Variants in PABPN1 observed in about 807,000 individuals in gnomAD.
PABPN1 encodes the protein polyadenylate-binding protein 2.
A neutral mutation model predicts 33.4 loss-of-function variants in PABPN1; 5 were observed. The ratio of observed to expected loss-of-function variants is 0.15; its 90% CI spans 0.08 to 0.32. PABPN1 has a LOEUF of 0.32. Ranked by LOEUF, PABPN1 falls within the 10% of genes least tolerant of loss-of-function variation. The probability of loss-of-function intolerance (pLI) is 1.00; values close to 1 mark genes in which losing one functional copy is unlikely to be tolerated. For missense variants in PABPN1, 312 were observed against 425.8 expected (o/e 0.73, Z 2.35); for synonymous variants, 176 against 170.6 (o/e 1.03, Z -0.25).
intron 1 of PABPN1, 116 bp from the exon 2 acceptor site, chr14:23,322,065 A>C: frequency 9.0e-7 from 1 of 1,106,466 alleles, no homozygotes; most frequent in South Asian, 1.3e-5. Flanking sequence ...CGACCCTCGC[A>C]TGGGGCGAGG....
At chr14:23,323,145 C>T (rs981738873) in intron 3 of PABPN1, 79 bp downstream of exon 3, 8 of 1,590,916 alleles carry the variant, frequency 5.0e-6, no homozygotes, top group Non-Finnish European at 6.9e-6. Flanking sequence ...AAAGGAACAT[C>T]TCCGGGATAG....
intron 4 of PABPN1, 39 bp downstream of exon 4, chr14:23,323,522 A>C: frequency 6.5e-7 from 1 of 1,547,532 alleles, no homozygotes; most frequent in South Asian, 1.1e-5. Flanking sequence ...TTTAAATTAC[A>C]GTGTACAAAT....
At position 23,322,291 on chromosome 14, in the gene PABPN1, C is replaced by T; in HGVS notation, c.462C>T (p.Gly154=). 1.3e-6 allele frequency: 2 copies of T among 1,599,934 alleles called. No homozygotes were observed. Among genetic ancestry groups the T allele is most frequent in the Non-Finnish European group, 1.7e-6 (2 of 1,172,932 alleles). Residue 154 remains glycine, a synonymous_variant, in exon 2 of 7, where the codon GGC becomes GGT. Transcript: ENST00000216727. ...AGATGAATATGAGTCCACCTCCAGG[C>T]AATGGTGAGTAACTGGCGGTTGCAC... ...EKQMNMSPPP[G]NAGPVIMSIE...
In PABPN1 at chr14:23,325,301, A is replaced by G. The variant is rs747100665; in HGVS notation, c.*15A>G. On this transcript the variant is annotated 3_prime_UTR_variant, in exon 7 of 7. Transcript: ENST00000216727. ...CCCCTTACTAAAAAAAGTGTGTATTAGGAGGAGAGAGAGGAAAAAAAGAGG... is the reference window on the plus strand; with the variant it reads ...CCCCTTACTAAAAAAAGTGTGTATTGGGAGGAGAGAGAGGAAAAAAAGAGG... 5 of 1,597,726 alleles carry G rather than the reference A, an allele frequency of 3.1e-6. No homozygotes were observed. Among genetic ancestry groups the G allele is most frequent in the Admixed American group, 1.7e-5 (1 of 57,496 alleles).
At chr14:23,322,018 T>G (rs1888335485) in intron 1 of PABPN1, 163 bp from the exon 2 acceptor site, 1 of 818,558 alleles carries the variant, frequency 1.2e-6, no homozygotes, top group Non-Finnish European at 2.0e-6. Context: ...CACGGTTGCC[T>G]AGTGTTGTTC....
chr14:23,322,056 G>A (rs1472289738), intron 1 of PABPN1, 125 bp from the exon 2 acceptor site: 8 of 1,040,654 alleles, frequency 7.7e-6, no homozygotes, highest in Non-Finnish European at 1.2e-5. Context: ...CTTTTATCAC[G>A]ACCCTCGCAT....
chr14:23,324,662 A>G (rs1205187994), intron 6 of PABPN1: 2 of 406,374 alleles, frequency 4.9e-6, no homozygotes, highest in African/African-American at 4.0e-5. Context: ...GGAGTTAGGG[A>G]GGGATTGAAG....
At chr14:23,324,538 C>T (rs1174625559) in intron 6 of PABPN1, 3 of 599,410 alleles carry the variant, frequency 5.0e-6, no homozygotes, top group African/African-American at 1.9e-5. Context: ...GCTTCCACCC[C>T]CAGCCTTTTT....
In PABPN1 at chr14:23,326,032, T is replaced by G. The variant is rs1223535118; in HGVS notation, c.*746T>G. On this transcript the variant is annotated 3_prime_UTR_variant, in exon 7 of 7. Coordinates refer to ENST00000216727, the MANE Select transcript of PABPN1 (RefSeq NM_004643.4). Reference sequence around the variant, plus strand: ...TTTCCTTTGCCTTTTTTCCCTTTTATTTGGAGGGAATGGGAGGAAGTGGGA... The same window carrying G: ...TTTCCTTTGCCTTTTTTCCCTTTTAGTTGGAGGGAATGGGAGGAAGTGGGA... 6.6e-6 allele frequency: 1 copy of G among 152,306 alleles called. No homozygotes were observed. The highest frequency in any genetic ancestry group is 2.4e-5 in the African/African-American group (1 of 41,376). The allele number at this position is 152,306 out of a possible 1,614,324, so 9.4% of individuals were successfully genotyped here.
At chr14:23,322,069 G>T in intron 1 of PABPN1, 112 bp from the exon 2 acceptor site, 2 of 1,143,818 alleles carry the variant, frequency 1.7e-6, no homozygotes, top group Non-Finnish European at 2.6e-6. Flanking sequence ...CCTCGCATGG[G>T]GCGAGGGAAA....
At position 23,321,667 on chromosome 14, in the gene PABPN1, G is replaced by GGAGCCC. The variant is rs1293748880; in HGVS notation, c.207_212dup (p.Pro70_Glu71dup). 1.2e-5 allele frequency: 18 copies of GGAGCCC among 1,518,632 alleles called. No homozygotes were observed. The highest frequency in any genetic ancestry group is 2.3e-4 in the Middle Eastern group (1 of 4,322). 94.1% of individuals were successfully genotyped at this position (1,518,632 alleles called of 1,614,324 possible). A position where few individuals can be genotyped will look rare whatever the true frequency, so the allele number is the denominator to read the frequency against. Reference sequence around the variant, plus strand: ...AGGAGCTGCTGCTGGAGCCCGAGCCGGAGCCCGAGCCCGAAGAGGAGCCGC... The same window carrying GGAGCCC: ...AGGAGCTGCTGCTGGAGCCCGAGCCGGAGCCCGAGCCCGAGCCCGAAGAGGAGCCGC... On this transcript the variant is annotated inframe_insertion, in exon 1 of 7. Coordinates refer to ENST00000216727, the MANE Select transcript of PABPN1 (RefSeq NM_004643.4).
In PABPN1 at chr14:23,322,184, C is replaced by T. The variant is rs938863608; in HGVS notation, c.355C>T (p.Leu119=). The part of the protein sequence containing the change: ...PGDGAIEDPE[L]EAIKARVREM... ...ATACCCTCCCCACTTATATTAGGAG[C>T]TGGAAGCTATCAAAGCTCGAGTCAG... The change falls in exon 2 of 7, where the codon CTG becomes TTG. Residue 119 remains leucine (L), a synonymous_variant. Transcript: ENST00000216727. 2.5e-6 allele frequency: 4 copies of T among 1,605,132 alleles called. No homozygotes were observed. The highest frequency in any genetic ancestry group is 3.4e-6 in the Non-Finnish European group (4 of 1,175,854).
At chr14:23,324,436 T>G in intron 6 of PABPN1, 147 bp downstream of exon 6, 1 of 1,114,808 alleles carries the variant, frequency 9.0e-7, no homozygotes, top group Non-Finnish European at 1.3e-6. Flanking sequence ...TTGAGGAAGG[T>G]AGTTGCAGGC....
chr14:23,322,502 C>G, intron 2 of PABPN1: 2 of 604,238 alleles, frequency 3.3e-6, no homozygotes, highest in East Asian at 5.8e-5. Context: ...TTGTGCCTCC[C>G]TTTGTGCCTG....
intron 1 of PABPN1, 138 bp downstream of exon 1, chr14:23,321,958 G>T: frequency 2.6e-6 from 2 of 782,610 alleles, no homozygotes; most frequent in East Asian, 5.4e-5. Flanking sequence ...GTCGGGCCGG[G>T]GATGGGTCAG....
At chr14:23,323,630 A>G (rs1304695381) in intron 4 of PABPN1, 147 bp downstream of exon 4, 2 of 880,622 alleles carry the variant, frequency 2.3e-6, no homozygotes, top group Admixed American at 2.0e-5. Context: ...ATATATCAGG[A>G]GTTGCACCTA....
rs187219997 is a variant in PABPN1, at chr14:23,322,673, G to A, written c.467-326G>A. On this transcript the variant is annotated intron_variant, in intron 2 of 6. Coordinates refer to ENST00000216727, the MANE Select transcript of PABPN1 (RefSeq NM_004643.4). ...TGCAAGGGGTTTCCCCTTTAATCTA[G>A]AAATGTGGAGTCTCAGCCCACTTAA... 2.3e-4 allele frequency: 108 copies of A among 466,040 alleles called. No individual in the cohort carries two copies. In the East Asian group the frequency reaches 4.5e-3, roughly 19 times the overall value. 28.9% of individuals were successfully genotyped at this position (466,040 alleles called of 1,614,324 possible).
intron 6 of PABPN1, 113 bp downstream of exon 6, chr14:23,324,402 A>G: frequency 7.9e-7 from 1 of 1,263,960 alleles, no homozygotes; most frequent in African/African-American, 1.8e-5. Context: ...GGTCTTCAGG[A>G]ACTTTGTCTC....
At chr14:23,324,727 G>A (rs575820257) in intron 6 of PABPN1, 2 of 290,814 alleles carry the variant, frequency 6.9e-6, no homozygotes, top group Non-Finnish European at 1.3e-5. Flanking sequence ...CTCCCCAACA[G>A]CCTTGTGGGA....
Sources: gnomAD v4.1 joint callset for allele counts on GRCh38, gnomAD v4.1.1 for gene constraint, MANE v1.5 for transcripts, NCBI Gene and HGNC (gene_info 2026-07-23, HGNC 2026-07-21) for gene names.